PDZD8: variants seen among roughly 807,000 people sequenced by gnomAD.
PDZD8 encodes PDZ domain containing 8, also known as PDZ domain-containing protein 8.
Under a neutral mutation model 85.8 loss-of-function variants are expected in PDZD8, and 14 were observed. The ratio of observed to expected loss-of-function variants is 0.16; its 90% confidence interval spans 0.11 to 0.26. The LOEUF (loss-of-function observed/expected upper bound fraction) is 0.26. PDZD8 is among the 10% of genes least tolerant of loss of function. The pLI is 1.00. For missense variants in PDZD8, 1,197 were observed against 1,424.3 expected, an observed-to-expected ratio of 0.84 and a Z score of 2.57; for synonymous variants, 592 against 568.6, an observed-to-expected ratio of 1.04 and a Z score of -0.59.
rs1055621240 is a variant in PDZD8, at chr10:117,278,660, C to T, written c.*4608G>A. On this transcript the variant is annotated 3_prime_UTR_variant, in exon 5 of 5. Transcript: ENST00000334464. ...GCTAAGATTGTGTTTGTGTTAACTT[C>T]GACATCAAGGAGCAAAGAACTTTAG... 9 of 152,142 alleles carry T rather than the reference C, an allele frequency of 5.9e-5. No individual in the cohort carries two copies. Among genetic ancestry groups the T allele is most frequent in the African/African-American group, 2.2e-4 (9 of 41,426 alleles). 9.4% of individuals were successfully genotyped at this position (152,142 alleles called of 1,614,324 possible). A position where few individuals can be genotyped will look rare whatever the true frequency, so the allele number is the denominator to read the frequency against.
At chr10:117,317,116 G>A (rs1490947815) in intron 3 of PDZD8, among the ~76,000 whole-genome samples, 2 of 152,268 alleles carry the variant, frequency 1.3e-5, no homozygotes, top group African/African-American at 2.4e-5. Flanking sequence ...CACATTAAAA[G>A]TATGACAGGA....
intron 1 of PDZD8, among the ~76,000 whole-genome samples, chr10:117,359,592 T>C (rs1217056905): frequency 6.6e-6 from 1 of 151,950 alleles, no homozygotes; most frequent in East Asian, 1.9e-4. Flanking sequence ...GCGCCTATAG[T>C]CCCAACTGCT....
intron 3 of PDZD8, among the ~76,000 whole-genome samples, chr10:117,300,707 T>C (rs1225044191): frequency 1.3e-5 from 2 of 152,160 alleles, no homozygotes; most frequent in Non-Finnish European, 2.9e-5. Flanking sequence ...AGATGGGGTC[T>C]TTGGGAGATG....
intron 2 of PDZD8, among the ~76,000 whole-genome samples, chr10:117,332,669 G>A (rs949216600): frequency 6.6e-6 from 1 of 151,648 alleles, no homozygotes; most frequent in Non-Finnish European, 1.5e-5. Context: ...ACCACGCCTG[G>A]CTAAGTTTTG....
At position 117,360,524 on chromosome 10, in the gene PDZD8, T is replaced by C. The variant is rs563327358; in HGVS notation, c.872+13832A>G. On this transcript the variant is annotated intron_variant, in intron 1 of 4. Coordinates refer to ENST00000334464, the MANE Select transcript of PDZD8 (RefSeq NM_173791.5). ...GAATGTTTCTAGCACTTCTGTAAAT[T>C]ATGCAACTCTGATATATGTCCTTGA... Among the ~76,000 whole-genome samples, 10 of 152,216 alleles carry C rather than the reference T, an allele frequency of 6.6e-5. No individual in the cohort carries two copies. In the East Asian group the frequency reaches 1.2e-3, roughly 18 times the overall value.
intron 1 of PDZD8, among the ~76,000 whole-genome samples, chr10:117,365,808 A>G (rs1665075801): frequency 6.6e-6 from 1 of 152,174 alleles, no homozygotes; most frequent in East Asian, 1.9e-4. Context: ...GCCATGCCAA[A>G]AAAGTGTCAG....
chr10:117,359,984 C>T (rs1202825307), intron 1 of PDZD8, among the ~76,000 whole-genome samples: 1 of 148,182 alleles, frequency 6.7e-6, no homozygotes, highest in Non-Finnish European at 1.5e-5. Flanking sequence ...ATAACAAATA[C>T]TGTTACAAAA....
In PDZD8 at chr10:117,317,453, T is replaced by C. The variant is rs1460488327; in HGVS notation, c.1098+1419A>G. ...CATTTTCAACATCAGATATAATTAATAACCTAGAATTCTTTCCTCAACACT... is the reference window on the plus strand; with the variant it reads ...CATTTTCAACATCAGATATAATTAACAACCTAGAATTCTTTCCTCAACACT... On this transcript the variant is annotated intron_variant, in intron 3 of 4. Coordinates refer to ENST00000334464, the MANE Select transcript of PDZD8 (RefSeq NM_173791.5). Among the ~76,000 whole-genome samples the C allele has an allele frequency of 5.3e-5, 8 of 152,186 alleles. No homozygotes were observed. The East Asian group carries it at 1.5e-3, about 29-fold the overall frequency.
intron 3 of PDZD8, among the ~76,000 whole-genome samples, chr10:117,315,438 T>G (rs1844107028): frequency 1.3e-5 from 2 of 151,444 alleles, no homozygotes; most frequent in Non-Finnish European, 2.9e-5. Flanking sequence ...CTACTAAAGA[T>G]ACAACAATTA....
At chr10:117,286,607 G>C (rs1844669148) in intron 4 of PDZD8, among the ~76,000 whole-genome samples, 1 of 152,108 alleles carries the variant, frequency 6.6e-6, no homozygotes, top group South Asian at 2.1e-4. Flanking sequence ...ATTAGTCTCT[G>C]ATCACAAGCT....
intron 1 of PDZD8, among the ~76,000 whole-genome samples, chr10:117,360,187 C>T (rs1295141936): frequency 2.6e-5 from 4 of 152,246 alleles, no homozygotes; most frequent in African/African-American, 9.6e-5. Context: ...ATTCAAAGAG[C>T]TGGTGACTAA....
chr10:117,305,461 TACACACACATAC>T (rs1843921949), intron 3 of PDZD8, among the ~76,000 whole-genome samples: 19 of 55,270 alleles, frequency 3.4e-4, no homozygotes, highest in African/African-American at 1.1e-3. Context: ...CACACATATA[TACACACACATAC>T]ACACACACAC....
chr10:117,374,698 G>A lies in PDZD8; in HGVS notation c.530C>T (p.Pro177Leu), dbSNP rs1408291818. The change falls in exon 1 of 5, where the codon CCT (proline) becomes CTT (leucine). Residue 177 changes from proline (P) to leucine (L), a missense_variant. Around this residue, in one of 4 missense-constraint regions of PDZD8, gnomAD observed 344 missense variants for 453.6 expected, o/e 0.76. Coordinates refer to ENST00000334464, the MANE Select transcript of PDZD8 (RefSeq NM_173791.5). This position sits in a 1 kb window ranked among gnomAD's most constrained non-coding sequence, Gnocchi z 7.8. Reference protein sequence around the residue: ...VPSATGEPDGPEGEALPAACP... With the variant: ...VPSATGEPDGLEGEALPAACP... ...GGCGGCGGGCAGCGCCTCCCCTTCA[G>A]GGCCATCGGGCTCCCCGGTGGCCGA... is the stretch of plus-strand genomic sequence containing the variant. 2.5e-6 allele frequency: 4 copies of A among 1,601,822 alleles called. No individual in the cohort carries two copies. The highest frequency in any genetic ancestry group is 2.2e-5 in the South Asian group (2 of 90,014).
intron 2 of PDZD8, among the ~76,000 whole-genome samples, chr10:117,319,215 G>A (rs914318576): frequency 3.9e-5 from 6 of 151,970 alleles, no homozygotes; most frequent in East Asian, 1.9e-4. Flanking sequence ...CAAATACAAA[G>A]TATTATCTAC....
intron 3 of PDZD8, among the ~76,000 whole-genome samples, chr10:117,294,136 T>G (rs1843712536): frequency 1.3e-5 from 2 of 151,826 alleles, no homozygotes; most frequent in Non-Finnish European, 2.9e-5. Context: ...TTTAAGAAAT[T>G]AAACCCCAAA....
chr10:117,310,393 C>T (rs184111768), intron 3 of PDZD8, among the ~76,000 whole-genome samples: 2 of 152,266 alleles, frequency 1.3e-5, no homozygotes, highest in African/African-American at 4.8e-5. Context: ...CAATGCCTTA[C>T]ACCTCATACT....
chr10:117,317,057 G>A (rs147867501), intron 3 of PDZD8, among the ~76,000 whole-genome samples: 59 of 152,202 alleles, frequency 3.9e-4, no homozygotes, highest in African/African-American at 1.3e-3. Flanking sequence ...GATGAAGGAG[G>A]AAGCTATGTT....
In PDZD8 at chr10:117,374,365, T is replaced by C. The variant is rs1253956874; in HGVS notation, c.863A>G (p.Tyr288Cys). The C allele has an allele frequency of 1.9e-6, 3 of 1,613,306 alleles. No individual in the cohort carries two copies. The change falls in exon 1 of 5, where the codon TAC becomes TGC. Residue 288 changes from tyrosine to cysteine, a missense_variant. Tyr to Cys is a radical substitution (Grantham distance 194). This residue lies in a region of PDZD8 where 344 missense variants were observed against 453.6 expected (regional missense o/e 0.76). Coordinates refer to ENST00000334464, the MANE Select transcript of PDZD8 (RefSeq NM_173791.5). This position sits in a 1 kb window ranked among gnomAD's most constrained non-coding sequence, Gnocchi z 7.8. ...CCGACCTCCAGCTCACCTGATCTTG[T>C]AATTCGGTAGGGTGTGCTTGCGCTT... is the stretch of plus-strand genomic sequence containing the variant. ...IIKRKHTLPN[Y>C]KIRFKPFFPY...
intron 1 of PDZD8, among the ~76,000 whole-genome samples, chr10:117,369,951 A>G (rs1460181248): frequency 6.6e-6 from 1 of 152,192 alleles, no homozygotes; most frequent in East Asian, 1.9e-4. Flanking sequence ...ATCCGTAAGA[A>G]TCTCAAATAT....
Sources: allele counts gnomAD v4.1 joint callset (sites outside exome capture counted in the v4.1 genomes callset), GRCh38; gene constraint gnomAD v4.1.1; regional missense constraint gnomAD v4.1.1; non-coding constraint Gnocchi (gnomAD v3.1); transcripts MANE v1.5; gene names NCBI Gene and HGNC (gene_info 2026-07-23, HGNC 2026-07-21).